Variants in DDX10 observed in about 807,000 individuals in gnomAD.
DDX10 encodes DEAD-box helicase 10.
DDX10 carries 74 observed loss-of-function variants against 104.3 expected under a neutral mutation model. The observed-to-expected ratio is 0.71, with a 90% CI of 0.59 to 0.86. The LOEUF (loss-of-function observed/expected upper bound fraction) is 0.86. Among genes scored for constraint, DDX10 ranks in the 40% least tolerant of loss-of-function variants. The probability of loss-of-function intolerance (pLI) is 0.00; values close to 1 mark genes in which losing one functional copy is unlikely to be tolerated. For synonymous variants in DDX10, 351 were observed against 353.4 expected, an observed-to-expected ratio of 0.99 and a Z score of 0.08; for missense variants, 952 against 1,040.0, an observed-to-expected ratio of 0.92 and a Z score of 1.16.
chr11:108,829,881 G>A (rs1302540097), intron 13 of DDX10, among the ~76,000 whole-genome samples: 1 of 151,998 alleles, frequency 6.6e-6, no homozygotes, highest in African/African-American at 2.4e-5. Flanking sequence ...TAAGCACTTG[G>A]CTTTATTTCT....
Position 108,665,264 on chromosome 11 carries a change from G to A in DDX10, c.111G>A (p.Leu37=). 1 of 1,610,824 alleles carries A rather than the reference G, an allele frequency of 6.2e-7. No individual in the cohort carries two copies. The highest frequency in any genetic ancestry group is 8.5e-7 in the Non-Finnish European group (1 of 1,178,746). The change falls in exon 1 of 18, where the codon TTG becomes TTA. Residue 37 remains leucine (L), a synonymous_variant. Transcript: ENST00000322536. ...HSHRQNKKKQ[L]RKQLKKPEWQ... is the part of the protein sequence containing the mutation. ...ATAGGCAGAACAAAAAGAAGCAGTT[G>A]AGGAAGCAACTGAAGAAACCCGAAT...
At chr11:108,918,383 TA>T (rs1281064936) in intron 17 of DDX10, 1 of 259,978 alleles carries the variant, frequency 3.8e-6, no homozygotes, top group East Asian at 6.7e-5. Context: ...GTTAGGGTTT[TA>T]TTTTTTTTCA....
chr11:108,911,923 G>A (rs12575278), intron 16 of DDX10, among the ~76,000 whole-genome samples: 18,834 of 152,010 alleles, frequency 0.12, 1,378 homozygotes, highest in East Asian at 0.24. Flanking sequence ...TTTTTGTAAG[G>A]CATCCTCTCA....
intron 16 of DDX10, among the ~76,000 whole-genome samples, chr11:108,892,781 T>C (rs1318594223): frequency 6.6e-6 from 1 of 152,200 alleles, no homozygotes; most frequent in South Asian, 2.1e-4. Flanking sequence ...TACCATTCTT[T>C]TAATGATGAA....
At chr11:108,939,387 C>T (rs1864076698) in intron 17 of DDX10, among the ~76,000 whole-genome samples, 1 of 152,208 alleles carries the variant, frequency 6.6e-6, no homozygotes, top group Non-Finnish European at 1.5e-5. Flanking sequence ...GCACTCCACA[C>T]TGAGGGTTGC....
At chr11:108,866,428 G>A (rs962079075) in intron 16 of DDX10, among the ~76,000 whole-genome samples, 3 of 152,078 alleles carry the variant, frequency 2.0e-5, no homozygotes, top group African/African-American at 7.2e-5. Context: ...GAGCAGCTTG[G>A]AAGGTCACTT....
intron 9 of DDX10, among the ~76,000 whole-genome samples, chr11:108,695,528 ATC>A (rs1416549959): frequency 6.6e-6 from 1 of 152,150 alleles, no homozygotes. Flanking sequence ...AGTGTACGCT[ATC>A]CCTTGCTTAC....
chr11:108,904,728 T>A (rs913574352), intron 16 of DDX10, among the ~76,000 whole-genome samples: 3 of 152,054 alleles, frequency 2.0e-5, no homozygotes, highest in African/African-American at 7.2e-5. Context: ...CGTCAGGGTT[T>A]TTTTTTTTTC....
At chr11:108,732,972 A>G (rs909214549) in intron 13 of DDX10, among the ~76,000 whole-genome samples, 1 of 152,174 alleles carries the variant, frequency 6.6e-6, no homozygotes, top group African/African-American at 2.4e-5. Flanking sequence ...ATTCCATTTT[A>G]GCTCAACAAA....
chr11:108,782,296 A>G (rs1384628362), intron 13 of DDX10, among the ~76,000 whole-genome samples: 2 of 152,194 alleles, frequency 1.3e-5, no homozygotes, highest in African/African-American at 4.8e-5. Context: ...TCTTCAGAGA[A>G]AACACAGCCT....
At chr11:108,835,066 G>A (rs572060009) in intron 13 of DDX10, among the ~76,000 whole-genome samples, 1 of 152,186 alleles carries the variant, frequency 6.6e-6, no homozygotes, top group South Asian at 2.1e-4. Flanking sequence ...GGAGGTGTAG[G>A]AATACTGACG....
chr11:108,759,094 A>G (rs1009647435), intron 13 of DDX10, among the ~76,000 whole-genome samples: 16 of 152,066 alleles, frequency 1.1e-4, no homozygotes, highest in African/African-American at 3.9e-4. Flanking sequence ...GATCACTTCA[A>G]TTGTTCTGGG....
chr11:108,802,805 T>G (rs1243777270), intron 13 of DDX10, among the ~76,000 whole-genome samples: 1 of 152,230 alleles, frequency 6.6e-6, no homozygotes, highest in Non-Finnish European at 1.5e-5. Flanking sequence ...ATGCATGATA[T>G]CTGTTTCATG....
At chr11:108,914,598 A>C (rs1863721117) in intron 16 of DDX10, among the ~76,000 whole-genome samples, 1 of 152,186 alleles carries the variant, frequency 6.6e-6, no homozygotes, top group Non-Finnish European at 1.5e-5. Context: ...GATAGAATCT[A>C]GTGTTTCGGT....
At position 108,719,890 on chromosome 11, in the gene DDX10, G is replaced by A; in HGVS notation, c.1499+5G>A. On this transcript the variant is annotated splice_donor_5th_base_variant and intron_variant, in intron 12 of 17. Transcript: ENST00000322536. The stretch of plus-strand genomic sequence containing the variant: ...ACCTATACCTGAATATGCCCTGTAA[G>A]TATTCATAATATAGTTGTAATAGTG... 1 of 1,465,308 alleles carries A rather than the reference G, an allele frequency of 6.8e-7. No homozygotes were observed. 90.8% of individuals were successfully genotyped at this position (1,465,308 alleles called of 1,614,324 possible). A position where few individuals can be genotyped will look rare whatever the true frequency, so the allele number is the denominator to read the frequency against.
At chr11:108,898,676 A>C (rs1411286821) in intron 16 of DDX10, among the ~76,000 whole-genome samples, 4 of 151,376 alleles carry the variant, frequency 2.6e-5, no homozygotes, top group Non-Finnish European at 5.9e-5. Context: ...AAAAAAAAAA[A>C]CAAGCGAGAT....
intron 10 of DDX10, among the ~76,000 whole-genome samples, chr11:108,714,200 G>A (rs2094288325): frequency 6.6e-6 from 1 of 152,150 alleles, no homozygotes; most frequent in Non-Finnish European, 1.5e-5. Context: ...TTATGAATGG[G>A]TCCTCCTGGA....
At chr11:108,853,801 C>G (rs1303294912) in intron 16 of DDX10, among the ~76,000 whole-genome samples, 1 of 152,124 alleles carries the variant, frequency 6.6e-6, no homozygotes, top group African/African-American at 2.4e-5. Context: ...GTGTTTGTTT[C>G]CTGACATCTA....
chr11:108,667,811 C>T (rs1173932261), intron 1 of DDX10, among the ~76,000 whole-genome samples: 2 of 152,208 alleles, frequency 1.3e-5, no homozygotes, highest in Admixed American at 1.3e-4. Flanking sequence ...TCATCACCTC[C>T]CCTGACCGAG....
Sources: allele counts gnomAD v4.1 joint callset (sites outside exome capture counted in the v4.1 genomes callset), GRCh38; gene constraint gnomAD v4.1.1; transcripts MANE v1.5; gene names NCBI Gene and HGNC (gene_info 2026-07-23, HGNC 2026-07-21).